The following GABRB2 variants were observed in gnomAD, a reference collection of about 807,000 sequenced individuals.
The protein encoded by GABRB2 is gamma-aminobutyric acid receptor subunit beta-2.
A neutral mutation model predicts 54.7 loss-of-function variants in GABRB2; 16 were observed. The observed-to-expected ratio is 0.29, with a 90% CI of 0.20 to 0.44. The LOEUF is 0.44. Ranked by LOEUF, GABRB2 falls within the 20% of genes least tolerant of loss-of-function variation. The pLI, the probability that GABRB2 is intolerant of heterozygous loss-of-function variation, is 1.00. For synonymous variants in GABRB2, 244 were observed against 233.8 expected, an observed-to-expected ratio of 1.04 and a Z score of -0.40; for missense variants, 355 against 644.0, an observed-to-expected ratio of 0.55 and a Z score of 4.86.
At chr5:161,364,150 A>G (rs994621143) in intron 5 of GABRB2, among the ~76,000 whole-genome samples, 1 of 152,202 alleles carries the variant, frequency 6.6e-6, no homozygotes, top group Non-Finnish European at 1.5e-5. Context: ...TTTAATGTAT[A>G]TATACTGAAT....
At chr5:161,507,041 G>C (rs1027495826) in intron 3 of GABRB2, among the ~76,000 whole-genome samples, 2 of 151,982 alleles carry the variant, frequency 1.3e-5, no homozygotes, top group Admixed American at 6.6e-5. Context: ...TTGATGAATT[G>C]AACTTTGTAA....
intron 3 of GABRB2, among the ~76,000 whole-genome samples, chr5:161,483,029 T>C (rs1405598503): frequency 6.6e-6 from 1 of 152,068 alleles, no homozygotes; most frequent in African/African-American, 2.4e-5. Context: ...GTATTTTTCT[T>C]AGAAATTTGC....
intron 5 of GABRB2, among the ~76,000 whole-genome samples, chr5:161,390,188 A>G (rs994233666): frequency 6.6e-6 from 1 of 152,082 alleles, no homozygotes; most frequent in East Asian, 1.9e-4. Context: ...ATCTCAGTGT[A>G]GCCCTGCTAC....
chr5:161,319,817 G>A lies in GABRB2; in HGVS notation c.1191+6551C>T, dbSNP rs189073942. Among the ~76,000 whole-genome samples, 166 of 151,758 alleles carry A rather than the reference G, an allele frequency of 1.1e-3. 1 individual carries two copies. Among genetic ancestry groups the A allele is most frequent in the African/African-American group, 3.8e-3 (157 of 41,500 alleles). On this transcript the variant is annotated intron_variant, in intron 9 of 9. Transcript: ENST00000393959. ...GGCTAGATGCTCTTTTTGAGTGGGA[G>A]TTATATTTTTCTGTCAATTTTGTTA... is the stretch of plus-strand genomic sequence containing the variant.
At chr5:161,309,041 G>C (rs746765807) in intron 9 of GABRB2, among the ~76,000 whole-genome samples, 3 of 152,042 alleles carry the variant, frequency 2.0e-5, no homozygotes, top group African/African-American at 4.8e-5. Context: ...GCTCCTGCAC[G>C]GCAAACAAAA....
At chr5:161,386,734 G>A (rs1263056633) in intron 5 of GABRB2, among the ~76,000 whole-genome samples, 2 of 148,334 alleles carry the variant, frequency 1.3e-5, no homozygotes, top group African/African-American at 5.0e-5. Context: ...TGGAGGTGGG[G>A]TTTCACCATG....
intron 5 of GABRB2, among the ~76,000 whole-genome samples, chr5:161,383,163 T>A (rs1021271011): frequency 2.0e-5 from 3 of 152,166 alleles, no homozygotes; most frequent in African/African-American, 7.2e-5. Context: ...ATAATCAAAT[T>A]AATTAACACA....
chr5:161,347,428 C>G (rs575146288), intron 5 of GABRB2, among the ~76,000 whole-genome samples: 4 of 152,220 alleles, frequency 2.6e-5, no homozygotes, highest in African/African-American at 7.2e-5. Context: ...TATGTACACT[C>G]TACTTTGTAA....
At chr5:161,407,862 G>A (rs1162479609) in intron 5 of GABRB2, among the ~76,000 whole-genome samples, 3 of 151,874 alleles carry the variant, frequency 2.0e-5, no homozygotes, top group African/African-American at 7.3e-5. Context: ...CCCTCATAGT[G>A]ATAAATATTA....
intron 5 of GABRB2, among the ~76,000 whole-genome samples, chr5:161,399,375 C>G (rs539508933): frequency 6.6e-4 from 100 of 152,198 alleles, no homozygotes; most frequent in African/African-American, 2.3e-3. Context: ...GATCCAGACT[C>G]CGCCAGTCAG....
At chr5:161,394,323 AAAT>A (rs1334923358) in intron 5 of GABRB2, among the ~76,000 whole-genome samples, 10 of 151,934 alleles carry the variant, frequency 6.6e-5, no homozygotes, top group African/African-American at 2.4e-4. Context: ...ATAATAAGCA[AAAT>A]AAATACAAAG....
intron 3 of GABRB2, among the ~76,000 whole-genome samples, chr5:161,515,663 T>G (rs1369975225): frequency 1.3e-5 from 2 of 152,176 alleles, no homozygotes; most frequent in African/African-American, 4.8e-5. Flanking sequence ...GTAGAAGAAC[T>G]CATAAAGGAA....
chr5:161,493,360 C>T (rs1416977688), intron 3 of GABRB2, among the ~76,000 whole-genome samples: 1 of 151,594 alleles, frequency 6.6e-6, no homozygotes, highest in Non-Finnish European at 1.5e-5. Flanking sequence ...CCCCCCGCAA[C>T]AATTCTGGAA....
chr5:161,534,836 G>A (rs1382823064), intron 3 of GABRB2, among the ~76,000 whole-genome samples: 4 of 152,002 alleles, frequency 2.6e-5, no homozygotes, highest in Non-Finnish European at 5.9e-5. Flanking sequence ...CCACCTTTAA[G>A]AGAATCATAT....
intron 5 of GABRB2, among the ~76,000 whole-genome samples, chr5:161,350,412 A>T (rs1374201404): frequency 4.6e-5 from 7 of 152,174 alleles, no homozygotes; most frequent in Non-Finnish European, 8.8e-5. Context: ...GTAACCAAAA[A>T]AGTAATCAAT....
At chr5:161,437,589 G>A (rs1757348007) in intron 4 of GABRB2, among the ~76,000 whole-genome samples, 2 of 152,056 alleles carry the variant, frequency 1.3e-5, no homozygotes, top group Admixed American at 1.3e-4. Flanking sequence ...GCACCAAGTG[G>A]GCTCTTGGGG....
chr5:161,457,576 G>T (rs956513631), intron 4 of GABRB2, among the ~76,000 whole-genome samples: 3 of 151,284 alleles, frequency 2.0e-5, no homozygotes, highest in Admixed American at 2.0e-4. Context: ...CTCCCGAGTA[G>T]CTGGGACTAC....
intron 5 of GABRB2, among the ~76,000 whole-genome samples, chr5:161,342,828 C>T (rs554841986): frequency 5.8e-4 from 88 of 152,058 alleles, no homozygotes; most frequent in African/African-American, 2.0e-3. Context: ...AAAAAAGTTG[C>T]AATAACATAG....
In GABRB2 at chr5:161,336,859, A is replaced by C. The variant is rs1016949101; in HGVS notation, c.542-90T>G. The C allele has an allele frequency of 3.0e-6, 4 of 1,335,240 alleles. No individual in the cohort carries two copies. In the African/African-American group the frequency reaches 6.0e-5, roughly 20 times the overall value. 82.7% of individuals were successfully genotyped at this position (1,335,240 alleles called of 1,614,324 possible). On this transcript the variant is annotated intron_variant, in intron 5 of 9. Transcript: ENST00000393959. ...AAACAGAAAAAAATACCTGTTTAGA[A>C]GATGACCTATATAAATAATATAAAG... is the stretch of plus-strand genomic sequence containing the variant.
Sources: gnomAD v4.1 joint callset for allele counts (sites outside exome capture counted in the v4.1 genomes callset) on GRCh38, gnomAD v4.1.1 for gene constraint, MANE v1.5 for transcripts, NCBI Gene and HGNC (gene_info 2026-07-23, HGNC 2026-07-21) for gene names.